Variants in ZNF766 observed in about 807,000 individuals in gnomAD.
ZNF766 encodes the protein zinc finger protein 766.
Under a neutral mutation model 13.2 loss-of-function variants are expected in ZNF766, and 13 were observed. The ratio of observed to expected loss-of-function variants is 0.98; its 90% CI spans 0.64 to 1.56. ZNF766 has a LOEUF of 1.56. Ranked by LOEUF, ZNF766 falls within the 40% of genes most tolerant of loss-of-function variation. The pLI, the probability that ZNF766 is intolerant of heterozygous loss-of-function variation, is 0.00. For missense variants in ZNF766, 521 were observed against 552.2 expected, an observed-to-expected ratio of 0.94 and a Z score of 0.57; for synonymous variants, 178 against 187.6, an observed-to-expected ratio of 0.95 and a Z score of 0.42.
chr19:52,285,206 G>C (rs112575806), intron 3 of ZNF766: 1 of 152,114 alleles, frequency 6.6e-6, no homozygotes, highest in Non-Finnish European at 1.5e-5. Context: ...ACACCACCAC[G>C]ACAATTATCA....
At position 52,292,509 on chromosome 19, in the gene ZNF766, T is replaced by C. The variant is rs898603605; in HGVS notation, c.*1311T>C. On this transcript the variant is annotated 3_prime_UTR_variant, in exon 4 of 4. Transcript: ENST00000439461. ...GGGGAAATGGTGGCCACCGTCTCCA[T>C]TGAATAGCAATAGCTGCTGTTTAGC... 1.1e-5 allele frequency: 3 copies of C among 284,676 alleles called. No homozygotes were observed. The highest frequency in any genetic ancestry group is 2.0e-5 in the Non-Finnish European group (3 of 153,664). 17.6% of individuals were successfully genotyped at this position (284,676 alleles called of 1,614,324 possible).
intron 1 of ZNF766, among the ~76,000 whole-genome samples, chr19:52,278,119 T>C (rs928940422): frequency 4.6e-5 from 7 of 151,560 alleles, no homozygotes; most frequent in Non-Finnish European, 1.0e-4. Flanking sequence ...ACCACAAATG[T>C]GTACCACCAC....
chr19:52,294,919 T>C lies in ZNF766; in HGVS notation c.*3721T>C, dbSNP rs1475108368. On this transcript the variant is annotated 3_prime_UTR_variant, in exon 4 of 4. Coordinates refer to ENST00000439461, the MANE Select transcript of ZNF766 (RefSeq NM_001010851.3). ...TTTTATAGTAGACAATGAAAATTAG[T>C]GTGTGGGTTTATAATAAATATAATG... The C allele has an allele frequency of 6.6e-6, 1 of 151,482 alleles. No homozygotes were observed. The highest frequency in any genetic ancestry group is 2.4e-5 in the African/African-American group (1 of 41,308). 9.4% of individuals were successfully genotyped at this position (151,482 alleles called of 1,614,324 possible).
intron 3 of ZNF766, among the ~76,000 whole-genome samples, chr19:52,289,323 G>C (rs1409313523): frequency 6.6e-6 from 1 of 151,218 alleles, no homozygotes; most frequent in African/African-American, 2.4e-5. Flanking sequence ...GCTAATTTTT[G>C]TATTTTTGGG....
At chr19:52,277,199 C>G in intron 1 of ZNF766, 1 of 1,194,878 alleles carries the variant, frequency 8.4e-7, no homozygotes, top group Non-Finnish European at 1.0e-6. Context: ...GGGGCTCATA[C>G]CTGTAATCCC....
chr19:52,274,286 C>T (rs891012849), intron 1 of ZNF766, among the ~76,000 whole-genome samples: 1 of 152,108 alleles, frequency 6.6e-6, no homozygotes, highest in African/African-American at 2.4e-5. Flanking sequence ...AGTCACATGC[C>T]ACATAAGGAC....
intron 1 of ZNF766, among the ~76,000 whole-genome samples, chr19:52,276,879 G>A (rs929333816): frequency 1.3e-5 from 2 of 152,210 alleles, no homozygotes; most frequent in African/African-American, 4.8e-5. Flanking sequence ...GTCAGAGCCA[G>A]GTCTGTGCCC....
chr19:52,271,421 A>G (rs28630585), intron 1 of ZNF766, among the ~76,000 whole-genome samples: 21 of 152,232 alleles, frequency 1.4e-4, no homozygotes, highest in African/African-American at 4.6e-4. Flanking sequence ...CTCAACCAGT[A>G]AAGGGAAGAG....
chr19:52,282,273 C>T, intron 2 of ZNF766, 36 bp downstream of exon 2: 2 of 1,555,606 alleles, frequency 1.3e-6, no homozygotes, highest in South Asian at 2.3e-5. Context: ...TGGGGTCTGC[C>T]CTTAGTATCT....
At chr19:52,272,124 A>G (rs1489394273) in intron 1 of ZNF766, among the ~76,000 whole-genome samples, 1 of 152,138 alleles carries the variant, frequency 6.6e-6, no homozygotes, top group Non-Finnish European at 1.5e-5. Flanking sequence ...AACACAGTAC[A>G]CTAAAATCTT....
At chr19:52,280,784 G>C (rs960121234) in intron 1 of ZNF766, among the ~76,000 whole-genome samples, 1 of 151,702 alleles carries the variant, frequency 6.6e-6, no homozygotes, top group Non-Finnish European at 1.5e-5. Context: ...GTTTCACCAT[G>C]TTGGCCAGGA....
At chr19:52,281,791 C>A in intron 1 of ZNF766, 1 of 513,400 alleles carries the variant, frequency 1.9e-6, no homozygotes, top group Non-Finnish European at 4.0e-6. Flanking sequence ...GTATTATGTT[C>A]GACACACCAA....
chr19:52,291,121 T>A lies in ZNF766; in HGVS notation c.1330T>A (p.Cys444Ser), dbSNP rs1297116812. 1 of 1,613,834 alleles carries A rather than the reference T, an allele frequency of 6.2e-7. No homozygotes were observed. Among genetic ancestry groups the A allele is most frequent in the Non-Finnish European group, 8.5e-7 (1 of 1,179,864 alleles). Residue 444 changes from cysteine to serine, a missense_variant, in exon 4 of 4, where the codon TGT becomes AGT. Cys to Ser is a moderately radical substitution (Grantham distance 112). Transcript: ENST00000439461. The stretch of plus-strand genomic sequence containing the variant: ...AGAGAAACCTTACAAATGCCATGTG[T>A]GTGGTAAGGTCTTTAGGCACAGTTC... ...TGEKPYKCHV[C>S]GKVFRHSSWF...
intron 1 of ZNF766, among the ~76,000 whole-genome samples, chr19:52,275,281 AAAAAATTAAAAACAAG>A (rs1326812256): frequency 6.6e-6 from 1 of 152,244 alleles, no homozygotes; most frequent in Non-Finnish European, 1.5e-5. Flanking sequence ...AAAGGTTAAA[AAAAAATTAAAAACAAG>A]AAAAAGTTTA....
chr19:52,277,285 C>A, intron 1 of ZNF766: 1 of 993,858 alleles, frequency 1.0e-6, no homozygotes, highest in South Asian at 1.8e-5. Flanking sequence ...CGGTGAAACC[C>A]CGTCTCTACT....
intron 1 of ZNF766, among the ~76,000 whole-genome samples, chr19:52,280,319 A>T (rs975324515): frequency 1.2e-4 from 19 of 152,094 alleles, no homozygotes; most frequent in Non-Finnish European, 2.6e-4. Flanking sequence ...ATGATTACTC[A>T]CTGTACCCCA....
intron 1 of ZNF766, among the ~76,000 whole-genome samples, chr19:52,271,640 A>G (rs1980979222): frequency 6.6e-6 from 1 of 152,160 alleles, no homozygotes; most frequent in Non-Finnish European, 1.5e-5. Context: ...GTGCACCCAC[A>G]TGGAGGTATT....
In ZNF766 at chr19:52,292,450, C is replaced by T. The variant is rs570662002; in HGVS notation, c.*1252C>T. On this transcript the variant is annotated 3_prime_UTR_variant, in exon 4 of 4. Coordinates refer to ENST00000439461, the MANE Select transcript of ZNF766 (RefSeq NM_001010851.3). ...CAGGGATTTTTATGGGAAGAGAGTT[C>T]ATCAGGGACTGATTACGTAGGAGAG... The T allele has an allele frequency of 3.8e-5, 16 of 422,664 alleles. No homozygotes were observed. The highest frequency in any genetic ancestry group is 2.8e-4 in the African/African-American group (14 of 49,638). 26.2% of individuals were successfully genotyped at this position (422,664 alleles called of 1,614,324 possible). A position where few individuals can be genotyped will look rare whatever the true frequency, so the allele number is the denominator to read the frequency against.
chr19:52,286,100 A>G lies in ZNF766; in HGVS notation c.274+2687A>G, dbSNP rs1168005459. 2.8e-5 allele frequency among the ~76,000 whole-genome samples: 4 copies of G among 143,234 alleles called. No homozygotes were observed. In the East Asian group the frequency reaches 6.4e-4, roughly 23 times the overall value. The allele number at this position is 143,234 out of a possible 152,430, so 94.0% of individuals were successfully genotyped here. A position where few individuals can be genotyped will look rare whatever the true frequency, so the allele number is the denominator to read the frequency against. On this transcript the variant is annotated intron_variant, in intron 3 of 3. Coordinates refer to ENST00000439461, the MANE Select transcript of ZNF766 (RefSeq NM_001010851.3). ...GGGTACCACTGCATTTAAATGATAT[A>G]AGACCAGAGAGTCAAGAAAGACCTG...
Sources: gnomAD v4.1 joint callset for allele counts (sites outside exome capture counted in the v4.1 genomes callset) on GRCh38, gnomAD v4.1.1 for gene constraint, MANE v1.5 for transcripts, NCBI Gene and HGNC (gene_info 2026-07-23, HGNC 2026-07-21) for gene names.